SSBP3: variants seen among roughly 807,000 people sequenced by gnomAD.
SSBP3 encodes single-stranded DNA-binding protein 3.
Under a neutral mutation model 69.6 loss-of-function variants are expected in SSBP3, and 5 were observed. That is an observed-to-expected ratio of 0.07 (90% CI 0.04 to 0.15). The LOEUF (loss-of-function observed/expected upper bound fraction) is 0.15, where lower values mean the gene tolerates loss of function less well. Among genes scored for constraint, SSBP3 ranks in the 10% least tolerant of loss-of-function variants. SSBP3 has a pLI of 1.00. For synonymous variants in SSBP3, 196 were observed against 193.4 expected, an observed-to-expected ratio of 1.01 and a Z score of -0.11; for missense variants, 312 against 534.0, an observed-to-expected ratio of 0.58 and a Z score of 4.10.
chr1:54,317,757 GTGTTTTTGTT>G (rs934674507), intron 4 of SSBP3, among the ~76,000 whole-genome samples: 4 of 151,992 alleles, frequency 2.6e-5, no homozygotes, highest in African/African-American at 9.7e-5. Context: ...TCCATCCTCT[GTGTTTTTGTT>G]TGTTTTTGTT....
At chr1:54,263,749 C>T (rs1179412635) in intron 5 of SSBP3, among the ~76,000 whole-genome samples, 1 of 152,234 alleles carries the variant, frequency 6.6e-6, no homozygotes, top group Non-Finnish European at 1.5e-5. Context: ...GCCACTCACC[C>T]CCACAGGTAC....
chr1:54,348,214 C>T (rs1376987268), intron 4 of SSBP3, among the ~76,000 whole-genome samples: 2 of 112,084 alleles, frequency 1.8e-5, no homozygotes, highest in African/African-American at 3.7e-5. Flanking sequence ...CTGAGGTAAC[C>T]CACAAGGTTT....
intron 9 of SSBP3, among the ~76,000 whole-genome samples, chr1:54,249,858 C>T (rs1218674463): frequency 1.3e-5 from 2 of 151,770 alleles, no homozygotes; most frequent in Non-Finnish European, 2.9e-5. Context: ...AGTTCTTATT[C>T]CCATTTTACA....
intron 4 of SSBP3, among the ~76,000 whole-genome samples, chr1:54,380,765 G>A (rs1647567016): frequency 6.6e-6 from 1 of 152,154 alleles, no homozygotes; most frequent in Non-Finnish European, 1.5e-5. Flanking sequence ...GGGGGTGTTG[G>A]TAAAGCCTAG....
intron 3 of SSBP3, among the ~76,000 whole-genome samples, chr1:54,404,134 C>CG (rs1428224964): frequency 6.6e-6 from 1 of 152,050 alleles, no homozygotes; most frequent in Non-Finnish European, 1.5e-5. Flanking sequence ...GAAAAAGCCC[C>CG]GGTAGATGTC....
At chr1:54,284,259 T>A (rs1477446043) in intron 4 of SSBP3, among the ~76,000 whole-genome samples, 1 of 151,978 alleles carries the variant, frequency 6.6e-6, no homozygotes, top group African/African-American at 2.4e-5. Flanking sequence ...TAACAGGCAT[T>A]AAATCTCAGT....
At chr1:54,280,377 C>A (rs548205515) in intron 5 of SSBP3, among the ~76,000 whole-genome samples, 2 of 152,318 alleles carry the variant, frequency 1.3e-5, no homozygotes, top group East Asian at 1.9e-4. Flanking sequence ...AGCACAGGTG[C>A]TAAATTCTGG....
intron 4 of SSBP3, among the ~76,000 whole-genome samples, chr1:54,368,288 C>CAAAAA (rs57721486): frequency 7.2e-5 from 5 of 68,986 alleles, no homozygotes; most frequent in African/African-American, 1.5e-4. Flanking sequence ...GACTCCATCT[C>CAAAAA]AAAAAAAAAA....
chr1:54,338,480 C>T (rs975707150), intron 4 of SSBP3, among the ~76,000 whole-genome samples: 3 of 152,158 alleles, frequency 2.0e-5, no homozygotes, highest in African/African-American at 7.2e-5. Flanking sequence ...TCACTCCCGA[C>T]CCCTAACCCC....
At chr1:54,264,934 T>C (rs1448875792) in intron 5 of SSBP3, among the ~76,000 whole-genome samples, 1 of 152,250 alleles carries the variant, frequency 6.6e-6, no homozygotes, top group African/African-American at 2.4e-5. Flanking sequence ...GGACCTGCGG[T>C]ACTGGCGGCC....
At chr1:54,393,239 G>C (rs213483) in intron 4 of SSBP3, among the ~76,000 whole-genome samples, 1 of 151,978 alleles carries the variant, frequency 6.6e-6, no homozygotes, top group African/African-American at 2.4e-5. Context: ...GTTTGGAAGC[G>C]GCATATGTGA....
At chr1:54,267,291 C>T (rs1645118663) in intron 5 of SSBP3, among the ~76,000 whole-genome samples, 1 of 152,204 alleles carries the variant, frequency 6.6e-6, no homozygotes, top group Non-Finnish European at 1.5e-5. Flanking sequence ...AAGAACACAG[C>T]CCAATATCCA....
chr1:54,323,763 A>G (rs1350223788), intron 4 of SSBP3, among the ~76,000 whole-genome samples: 1 of 152,188 alleles, frequency 6.6e-6, no homozygotes, highest in African/African-American at 2.4e-5. Context: ...GCTCTGCCCC[A>G]GAGACTGTCT....
chr1:54,398,802 G>GT (rs1168144893), intron 4 of SSBP3, among the ~76,000 whole-genome samples: 1 of 152,130 alleles, frequency 6.6e-6, no homozygotes, highest in African/African-American at 2.4e-5. Flanking sequence ...CACTCCAGAT[G>GT]TGAGTTCCCC....
intron 1 of SSBP3, chr1:54,405,531 G>A (rs1478580616): frequency 6.5e-6 from 1 of 153,400 alleles, no homozygotes; most frequent in Non-Finnish European, 1.5e-5. Flanking sequence ...GCCGCGGGCG[G>A]ACAAAAGGAG....
chr1:54,255,022 A>T (rs979733228), intron 7 of SSBP3, among the ~76,000 whole-genome samples: 1 of 151,998 alleles, frequency 6.6e-6, no homozygotes, highest in Non-Finnish European at 1.5e-5. Context: ...TAGTAGAGAC[A>T]GGGTTTCACC....
chr1:54,282,073 A>ATAATAATAATAAT (rs1553130850), intron 4 of SSBP3, among the ~76,000 whole-genome samples: 2 of 151,220 alleles, frequency 1.3e-5, no homozygotes, highest in South Asian at 2.1e-4. Flanking sequence ...AATAATAATA[A>ATAATAATAATAAT]AAAAATGGGG....
intron 4 of SSBP3, among the ~76,000 whole-genome samples, chr1:54,364,610 A>G (rs1048010469): frequency 6.6e-6 from 1 of 152,256 alleles, no homozygotes; most frequent in Non-Finnish European, 1.5e-5. Flanking sequence ...TTAACATGAG[A>G]AATGTGAAAA....
chr1:54,411,911 C>G (rs897357351), intron 1 of SSBP3, among the ~76,000 whole-genome samples: 3 of 123,876 alleles, frequency 2.4e-5, no homozygotes, highest in Admixed American at 7.8e-5. Context: ...AAAAAAAAAG[C>G]AGAAGGCAAG....
Sources: allele counts gnomAD v4.1 joint callset (sites outside exome capture counted in the v4.1 genomes callset), GRCh38; gene constraint gnomAD v4.1.1; transcripts MANE v1.5; gene names NCBI Gene and HGNC (gene_info 2026-07-23, HGNC 2026-07-21).